PLCB1: variants seen among roughly 807,000 people sequenced by gnomAD.
PLCB1 encodes 1-phosphatidylinositol 4,5-bisphosphate phosphodiesterase beta-1.
Under a neutral mutation model 161.8 loss-of-function variants are expected in PLCB1, and 46 were observed. That is an observed-to-expected ratio of 0.28 (90% CI 0.22 to 0.36). PLCB1 has a LOEUF of 0.36. PLCB1 is among the 10% of genes least tolerant of loss of function. The probability of loss-of-function intolerance (pLI) is 1.00; values close to 1 mark genes in which losing one functional copy is unlikely to be tolerated. For synonymous variants in PLCB1, 517 were observed against 503.7 expected (o/e 1.03, Z -0.35); for missense variants, 1,016 against 1,472.5 (o/e 0.69, Z 5.07).
intron 3 of PLCB1, among the ~76,000 whole-genome samples, chr20:8,626,029 T>G (rs1988330592): frequency 6.6e-6 from 1 of 151,744 alleles, no homozygotes. Context: ...AATACAAAAC[T>G]TAGCCGGGCG....
At chr20:8,232,225 AAGAGAG>A (rs35927160) in intron 2 of PLCB1, among the ~76,000 whole-genome samples, 8,617 of 148,436 alleles carry the variant, frequency 0.058, 573 homozygotes, top group African/African-American at 0.17. Context: ...CTCTTTAAAA[AAGAGAG>A]AGAGAGAGAG....
intron 2 of PLCB1, among the ~76,000 whole-genome samples, chr20:8,238,710 G>A (rs1980449313): frequency 6.6e-6 from 1 of 151,944 alleles, no homozygotes; most frequent in Admixed American, 6.6e-5. Context: ...CAAGGAAAAC[G>A]GAAAGGGGGC....
chr20:8,168,489 C>T (rs1456120083), intron 2 of PLCB1, among the ~76,000 whole-genome samples: 1 of 152,004 alleles, frequency 6.6e-6, no homozygotes. Context: ...CTTGGAGGTC[C>T]CTGATAGGTG....
At chr20:8,807,666 C>A (rs1014292551) in intron 31 of PLCB1, among the ~76,000 whole-genome samples, 1 of 152,016 alleles carries the variant, frequency 6.6e-6, no homozygotes, top group Admixed American at 6.6e-5. Flanking sequence ...CCTTTTCCCC[C>A]CTTCAAGTTG....
chr20:8,764,473 A>G (rs1302673146), intron 25 of PLCB1, among the ~76,000 whole-genome samples: 3 of 152,188 alleles, frequency 2.0e-5, no homozygotes, highest in Non-Finnish European at 2.9e-5. Context: ...TTATAGAAGT[A>G]TTATAATCCT....
intron 24 of PLCB1, among the ~76,000 whole-genome samples, chr20:8,758,265 C>G (rs2123565896): frequency 6.6e-6 from 1 of 151,146 alleles, no homozygotes; most frequent in Non-Finnish European, 1.5e-5. Flanking sequence ...TAATTTGTAT[C>G]AGACACGCTT....
intron 3 of PLCB1, among the ~76,000 whole-genome samples, chr20:8,596,184 T>C (rs1987341851): frequency 1.3e-5 from 2 of 150,460 alleles, no homozygotes; most frequent in Non-Finnish European, 3.0e-5. Context: ...CCCATGCCTA[T>C]ATCCCGAATG....
chr20:8,832,351 T>C (rs1986055020), intron 31 of PLCB1, among the ~76,000 whole-genome samples: 1 of 152,228 alleles, frequency 6.6e-6, no homozygotes, highest in South Asian at 2.1e-4. Flanking sequence ...CACTTGGTCC[T>C]GAAAACTGCC....
intron 3 of PLCB1, 28 bp from the exon 4 acceptor site, chr20:8,628,266 C>G (rs753833343): frequency 2.6e-6 from 4 of 1,562,498 alleles, no homozygotes; most frequent in Non-Finnish European, 2.6e-6. Context: ...TAGTTATAGA[C>G]TAATTATTTT....
At chr20:8,581,498 T>C (rs1203772122) in intron 3 of PLCB1, among the ~76,000 whole-genome samples, 1 of 152,178 alleles carries the variant, frequency 6.6e-6, no homozygotes. Context: ...GAGTTCAAGA[T>C]GACTGTGAGA....
chr20:8,735,958 T>C (rs1980558767), intron 19 of PLCB1, among the ~76,000 whole-genome samples: 1 of 152,216 alleles, frequency 6.6e-6, no homozygotes, highest in South Asian at 2.1e-4. Context: ...CAGCCTTTGA[T>C]AGCTATTCTC....
At chr20:8,857,208 G>T (rs1194937677) in intron 31 of PLCB1, among the ~76,000 whole-genome samples, 1 of 152,186 alleles carries the variant, frequency 6.6e-6, no homozygotes, top group Non-Finnish European at 1.5e-5. Flanking sequence ...GAACAACTCA[G>T]CACTGCAACA....
intron 11 of PLCB1, among the ~76,000 whole-genome samples, chr20:8,705,791 A>G (rs761562): frequency 0.91 from 138,860 of 152,294 alleles, 63,470 homozygotes; most frequent in East Asian, 1. Context: ...GAGAGGAAAA[A>G]GAGATGTATT....
intron 3 of PLCB1, among the ~76,000 whole-genome samples, chr20:8,502,414 T>C (rs1983462776): frequency 6.6e-6 from 1 of 152,208 alleles, no homozygotes; most frequent in South Asian, 2.1e-4. Flanking sequence ...TGTTTACAGC[T>C]TGAAATCTTT....
chr20:8,270,320 T>C (rs1408142867), intron 2 of PLCB1, among the ~76,000 whole-genome samples: 1 of 152,144 alleles, frequency 6.6e-6, no homozygotes, highest in African/African-American at 2.4e-5. Context: ...GTGTATTTTC[T>C]TCCTAAAAGA....
chr20:8,192,474 A>G (rs889055483), intron 2 of PLCB1, among the ~76,000 whole-genome samples: 6 of 151,960 alleles, frequency 3.9e-5, no homozygotes, highest in African/African-American at 1.2e-4. Flanking sequence ...CTTCCTGAGT[A>G]TCTTAACATC....
At chr20:8,498,558 C>T (rs1983274134) in intron 3 of PLCB1, among the ~76,000 whole-genome samples, 1 of 152,174 alleles carries the variant, frequency 6.6e-6, no homozygotes, top group Admixed American at 6.5e-5. Context: ...CCTTGGGGAT[C>T]ACAATCTCAA....
chr20:8,487,798 A>G (rs530436581), intron 3 of PLCB1, among the ~76,000 whole-genome samples: 1 of 152,286 alleles, frequency 6.6e-6, no homozygotes, highest in South Asian at 2.1e-4. Context: ...AAGGTGGAGT[A>G]TTTTTAATAG....
rs1355960934 is a variant in PLCB1, at chr20:8,783,917, G to C, written c.3112-4532G>C. On this transcript the variant is annotated intron_variant, in intron 27 of 31. Transcript: ENST00000338037. The stretch of plus-strand genomic sequence containing the variant: ...TGCCTCCCCTGGACCAATTATCTTG[G>C]CCAAGAGATGGGGGGTAAAATATAC... Among the ~76,000 whole-genome samples, 3 of 152,134 alleles carry C rather than the reference G, an allele frequency of 2.0e-5. No homozygotes were observed. In the East Asian group the frequency reaches 5.8e-4, roughly 29 times the overall value.
Sources: gnomAD v4.1 joint callset for allele counts (sites outside exome capture counted in the v4.1 genomes callset) on GRCh38, gnomAD v4.1.1 for gene constraint, MANE v1.5 for transcripts, NCBI Gene and HGNC (gene_info 2026-07-23, HGNC 2026-07-21) for gene names.